The following NUDT1 variants were observed in gnomAD, a reference collection of about 807,000 sequenced individuals.
NUDT1 encodes nudix hydrolase 1.
In NUDT1, 16 loss-of-function variants were observed where a neutral mutation model predicts 11.3. The ratio of observed to expected loss-of-function variants is 1.41; its 90% CI spans 0.96 to 2.15. The LOEUF (loss-of-function observed/expected upper bound fraction) is 2.15. Among genes scored for constraint, NUDT1 ranks in the 30% most tolerant of loss-of-function variants. The probability of loss-of-function intolerance (pLI) is 0.00; values close to 1 mark genes in which losing one functional copy is unlikely to be tolerated. For missense variants in NUDT1, 234 were observed against 208.4 expected, an observed-to-expected ratio of 1.12 and a Z score of -0.76; for synonymous variants, 101 against 84.4, an observed-to-expected ratio of 1.20 and a Z score of -1.08.
rs959366505 is a variant in NUDT1, at chr7:2,242,260, C to A, written c.-13+4C>A. 3 of 1,307,052 alleles carry A rather than the reference C, an allele frequency of 2.3e-6. No homozygotes were observed. Among genetic ancestry groups the A allele is most frequent in the African/African-American group, 3.1e-5 (2 of 64,540 alleles). The allele number at this position is 1,307,052 out of a possible 1,614,324, so 81.0% of individuals were successfully genotyped here. On this transcript the variant is annotated splice_donor_region_variant and intron_variant, in intron 1 of 3. Coordinates refer to ENST00000356714, the MANE Select transcript of NUDT1 (RefSeq NM_002452.4). ...GCCCCCGGAAGCGGCGGTGCAGGTA[C>A]GAAAAGCGCGCGCGGGGATTCCAGG...
In NUDT1 at chr7:2,250,911, G is replaced by A. The variant is rs778683326; in HGVS notation, c.381G>A (p.Leu127=). ...ACGACAGCTACTGGTTTCCACTCCT[G>A]CTTCAGAAGAAGAAATTCCACGGGT... ...WPDDSYWFPL[L]LQKKKFHGYF... is the part of the protein sequence containing the mutation. The change falls in exon 4 of 4, where the codon CTG becomes CTA. Residue 127 remains leucine, a synonymous_variant. Transcript: ENST00000356714. 1.9e-6 allele frequency: 3 copies of A among 1,614,102 alleles called. No individual in the cohort carries two copies. Among genetic ancestry groups the A allele is most frequent in the Middle Eastern group, 1.6e-4 (1 of 6,062 alleles).
intron 1 of NUDT1, chr7:2,242,472 A>G (rs34996498): frequency 0.19 from 87,211 of 468,578 alleles, 9,336 homozygotes; most frequent in Middle Eastern, 0.27. Flanking sequence ...AGCGGGGCGG[A>G]GGCTTGGGGG....
rs1795002504 is a variant in NUDT1, at chr7:2,251,015, C to A, written c.*14C>A. The stretch of plus-strand genomic sequence containing the variant: ...GACACGGTCTAGCGGGAGCCCAGGG[C>A]AGCCCCTGGGCAGGAGACGTGGCTG... On this transcript the variant is annotated 3_prime_UTR_variant, in exon 4 of 4. Coordinates refer to ENST00000356714, the MANE Select transcript of NUDT1 (RefSeq NM_002452.4). 6.2e-7 allele frequency: 1 copy of A among 1,613,238 alleles called. No individual in the cohort carries two copies. The highest frequency in any genetic ancestry group is 1.3e-5 in the African/African-American group (1 of 75,018).
intron 1 of NUDT1, 45 bp downstream of exon 1, chr7:2,242,301 G>A (rs1794574705): frequency 2.3e-6 from 2 of 884,950 alleles, no homozygotes; most frequent in Non-Finnish European, 3.3e-6. Context: ...TGGTGACCAG[G>A]GAGGGGAGCC....
intron 2 of NUDT1, among the ~76,000 whole-genome samples, chr7:2,246,279 C>T (rs937764796): frequency 7.1e-4 from 108 of 152,258 alleles, no homozygotes; most frequent in African/African-American, 2.5e-3. Flanking sequence ...ATCTGGCTGC[C>T]GGGTTCAGGA....
chr7:2,250,660 G>A (rs34750471), intron 3 of NUDT1, among the ~76,000 whole-genome samples, 169 bp from the exon 4 acceptor site: 1,964 of 132,660 alleles, frequency 0.015, 22 homozygotes, highest in South Asian at 0.044. Flanking sequence ...GGGTTTCACC[G>A]TGTTAGCCAG....
chr7:2,242,906 G>C (rs945748836), intron 1 of NUDT1: 4 of 706,806 alleles, frequency 5.7e-6, no homozygotes, highest in Non-Finnish European at 1.0e-5. Context: ...CAAGGACAGA[G>C]GGCTTTCTGT....
At position 2,251,045 on chromosome 7, in the gene NUDT1, A is replaced by C. The variant is rs780761617; in HGVS notation, c.*44A>C. 19 of 1,597,252 alleles carry C rather than the reference A, an allele frequency of 1.2e-5. No homozygotes were observed. On this transcript the variant is annotated 3_prime_UTR_variant, in exon 4 of 4. Coordinates refer to ENST00000356714, the MANE Select transcript of NUDT1 (RefSeq NM_002452.4). The stretch of plus-strand genomic sequence containing the variant: ...CCTGGGCAGGAGACGTGGCTGCTGA[A>C]CAGCCGCAAACCATCTTCACCTGGG...
chr7:2,250,767 ATG>A, intron 3 of NUDT1, 60 bp from the exon 4 acceptor site: 1 of 1,606,768 alleles, frequency 6.2e-7, no homozygotes. Context: ...CAAAAAAAAC[ATG>A]TTTTTTAAGC....
intron 2 of NUDT1, among the ~76,000 whole-genome samples, chr7:2,249,018 T>TA (rs1467685005): frequency 6.6e-6 from 1 of 152,214 alleles, no homozygotes; most frequent in Non-Finnish European, 1.5e-5. Context: ...CTATAACAAA[T>TA]ATGTAATTTT....
rs769699072 is a variant in NUDT1, at chr7:2,249,976, T to TCCAGGGGA, written c.275_282dup (p.Pro95ArgfsTer80). The TCCAGGGGA allele has an allele frequency of 2.0e-5, 33 of 1,614,006 alleles. No individual in the cohort carries two copies. The Admixed American group carries it at 5.2e-4, about 25-fold the overall frequency. ...GTGCATGTCTTCTGCACAGACAGCA[T>TCCAGGGGA]CCAGGGGACCCCCGTGGAGAGCGAC... On this transcript the variant is annotated frameshift_variant, in exon 3 of 4. Coordinates refer to ENST00000356714, the MANE Select transcript of NUDT1 (RefSeq NM_002452.4). LOFTEE classifies it low-confidence loss of function (END_TRUNC).
rs139825597 is a variant in NUDT1 at position 2,244,666 on chromosome 7, G to A, written c.92G>A (p.Arg31Gln). 2.5e-4 allele frequency: 407 copies of A among 1,613,672 alleles called. No homozygotes were observed. The highest frequency in any genetic ancestry group is 3.1e-4 in the Non-Finnish European group (364 of 1,179,846). ...AAAAAGCGAGGCTTCGGGGCCGGCC[G>A]GTGGAATGGCTTTGGGGGCAAAGTG... ...GMKKRGFGAG[R>Q]WNGFGGKVQE... The change falls in exon 2 of 4, where the codon CGG becomes CAG. Residue 31 changes from arginine to glutamine, a missense_variant. Physicochemically the swap from Arg to Gln is conservative, Grantham distance 43. Coordinates refer to ENST00000356714, the MANE Select transcript of NUDT1 (RefSeq NM_002452.4).
chr7:2,245,671 G>C (rs1256428976), intron 2 of NUDT1, among the ~76,000 whole-genome samples: 2 of 152,054 alleles, frequency 1.3e-5, no homozygotes, highest in Admixed American at 1.3e-4. Flanking sequence ...CGATCCTCCT[G>C]CCTCAGCCTC....
intron 2 of NUDT1, among the ~76,000 whole-genome samples, chr7:2,248,977 A>G (rs1794873903): frequency 6.6e-6 from 1 of 152,262 alleles, no homozygotes; most frequent in Admixed American, 6.5e-5. Context: ...TTCCTGGGTG[A>G]TGAGTTTATG....
intron 2 of NUDT1, among the ~76,000 whole-genome samples, chr7:2,246,459 C>T (rs10269800): frequency 0.035 from 5,366 of 152,250 alleles, 324 homozygotes; most frequent in African/African-American, 0.12. Flanking sequence ...GCTGGAGGAG[C>T]GCCAGCTGTG....
chr7:2,244,858 G>C (rs1043664755), intron 2 of NUDT1, 132 bp downstream of exon 2: 1 of 1,049,306 alleles, frequency 9.5e-7, no homozygotes, highest in Non-Finnish European at 1.4e-6. Context: ...GTGAGCCTCA[G>C]TGTCTTCATC....
intron 1 of NUDT1, chr7:2,242,592 C>G: frequency 3.0e-6 from 1 of 331,190 alleles, no homozygotes; most frequent in Non-Finnish European, 5.6e-6. Flanking sequence ...AGCCACAAAC[C>G]CATTTACCCT....
intron 2 of NUDT1, chr7:2,249,544 G>T: frequency 2.3e-6 from 1 of 439,072 alleles, no homozygotes; most frequent in Non-Finnish European, 4.3e-6. Flanking sequence ...ACTCCACTGG[G>T]CCTGGGCTGT....
In NUDT1 at chr7:2,247,410, T is replaced by C. The variant is rs536572194; in HGVS notation, c.153-2447T>C. Among the ~76,000 whole-genome samples, 5 of 152,190 alleles carry C rather than the reference T, an allele frequency of 3.3e-5. No homozygotes were observed. In the South Asian group the frequency reaches 1.0e-3, roughly 32 times the overall value. The stretch of plus-strand genomic sequence containing the variant: ...CTCTGTGGGGCAGGGGACAGGCACG[T>C]AGGGAGTACTGAATTGTGGGGGTGT... On this transcript the variant is annotated intron_variant, in intron 2 of 3. Transcript: ENST00000356714.
Sources: gnomAD v4.1 joint callset for allele counts (sites outside exome capture counted in the v4.1 genomes callset) on GRCh38, gnomAD v4.1.1 for gene constraint, MANE v1.5 for transcripts, NCBI Gene and HGNC (gene_info 2026-07-23, HGNC 2026-07-21) for gene names.